Variants in DGKB observed in about 807,000 individuals in gnomAD.
DGKB encodes 90 kDa diacylglycerol kinase.
DGKB carries 67 observed loss-of-function variants against 114.3 expected under a neutral mutation model. That is an observed-to-expected ratio of 0.59 (90% CI 0.48 to 0.72). The LOEUF (loss-of-function observed/expected upper bound fraction) is 0.72. DGKB is among the 30% of genes least tolerant of loss of function. The probability of loss-of-function intolerance (pLI) is 0.00; values close to 1 mark genes in which losing one functional copy is unlikely to be tolerated. For missense variants in DGKB, 907 were observed against 975.2 expected, an observed-to-expected ratio of 0.93 and a Z score of 0.93; for synonymous variants, 398 against 323.1, an observed-to-expected ratio of 1.23 and a Z score of -2.49.
rs137930109 is a variant in DGKB, at chr7:14,795,173, G to C, written c.71-37442C>G. On this transcript the variant is annotated intron_variant, in intron 2 of 25. Coordinates refer to ENST00000402815, the MANE Select transcript of DGKB (RefSeq NM_001350709.2). ...TAATTTATACAGACAGAAATCTGGA[G>C]AACATGTACGAAATTGATAACTAAG... 3.3e-5 allele frequency among the ~76,000 whole-genome samples: 5 copies of C among 152,312 alleles called. No individual in the cohort carries two copies. The East Asian group carries it at 9.7e-4, about 29-fold the overall frequency.
intron 20 of DGKB, among the ~76,000 whole-genome samples, chr7:14,564,189 C>T: frequency 6.6e-6 from 1 of 152,190 alleles, no homozygotes; most frequent in East Asian, 1.9e-4. Context: ...TGCCTGTATT[C>T]TCCCCTAGGT....
chr7:14,154,677 C>G (rs985487072), intron 25 of DGKB, among the ~76,000 whole-genome samples: 2 of 149,940 alleles, frequency 1.3e-5, no homozygotes, highest in Non-Finnish European at 3.0e-5. Flanking sequence ...ATACCTAAAA[C>G]TAATCCATAA....
At chr7:14,603,001 T>C (rs1010317201) in intron 17 of DGKB, among the ~76,000 whole-genome samples, 4 of 152,180 alleles carry the variant, frequency 2.6e-5, no homozygotes, top group Admixed American at 6.6e-5. Context: ...TTTAAAATCA[T>C]AGTGCATTTG....
At chr7:14,575,549 T>C (rs888461434) in intron 19 of DGKB, among the ~76,000 whole-genome samples, 1 of 152,200 alleles carries the variant, frequency 6.6e-6, no homozygotes, top group African/African-American at 2.4e-5. Context: ...CTTAGGGTTC[T>C]TGTGAAGATT....
chr7:14,355,384 T>C (rs947736749), intron 21 of DGKB, among the ~76,000 whole-genome samples: 11 of 152,350 alleles, frequency 7.2e-5, no homozygotes, highest in African/African-American at 2.6e-4. Context: ...TTCCAGTTTT[T>C]GCTCATTCAG....
intron 12 of DGKB, among the ~76,000 whole-genome samples, chr7:14,679,610 C>G (rs1424876143): frequency 6.6e-6 from 1 of 152,054 alleles, no homozygotes; most frequent in African/African-American, 2.4e-5. Context: ...TTCAGATAGG[C>G]CTTTCTGAAG....
At chr7:14,438,986 CT>C (rs1829673456) in intron 21 of DGKB, among the ~76,000 whole-genome samples, 1 of 130,674 alleles carries the variant, frequency 7.7e-6, no homozygotes, top group Non-Finnish European at 1.7e-5. Flanking sequence ...TGGGGGAAGC[CT>C]CCTTTTTTTT....
chr7:14,810,816 C>T (rs999238429), intron 2 of DGKB, among the ~76,000 whole-genome samples: 13 of 152,280 alleles, frequency 8.5e-5, no homozygotes, highest in African/African-American at 2.9e-4. Flanking sequence ...GCCATGTTGG[C>T]CAGGCTGATT....
chr7:14,572,604 T>C (rs1798565694), intron 20 of DGKB, among the ~76,000 whole-genome samples: 1 of 151,798 alleles, frequency 6.6e-6, no homozygotes, highest in Admixed American at 6.6e-5. Flanking sequence ...AAACAAAAAA[T>C]CCTAAGAGAC....
chr7:14,604,189 T>A (rs528075387), intron 17 of DGKB, among the ~76,000 whole-genome samples: 1 of 152,132 alleles, frequency 6.6e-6, no homozygotes, highest in East Asian at 1.9e-4. Flanking sequence ...AACAGAATAA[T>A]CAGGATCAGG....
intron 20 of DGKB, among the ~76,000 whole-genome samples, chr7:14,511,485 T>C (rs1787971350): frequency 6.6e-6 from 1 of 152,210 alleles, no homozygotes; most frequent in African/African-American, 2.4e-5. Flanking sequence ...TTGCTCTGAA[T>C]TAGGATTTGA....
chr7:14,823,523 G>T (rs988943937), intron 2 of DGKB, among the ~76,000 whole-genome samples: 1 of 151,942 alleles, frequency 6.6e-6, no homozygotes, highest in Admixed American at 6.6e-5. Flanking sequence ...AAAACTGAGA[G>T]AACTAATTGA....
chr7:14,572,466 A>G (rs946688044), intron 20 of DGKB, among the ~76,000 whole-genome samples: 7 of 151,960 alleles, frequency 4.6e-5, no homozygotes, highest in Admixed American at 2.0e-4. Flanking sequence ...AAAAAGAAAA[A>G]AAAAAGAATA....
chr7:14,961,018 A>G (rs979590780), intron 1 of DGKB, among the ~76,000 whole-genome samples: 6 of 152,020 alleles, frequency 3.9e-5, no homozygotes, highest in African/African-American at 1.4e-4. Flanking sequence ...TCTTTTCCCT[A>G]AAGGCTCACT....
intron 17 of DGKB, among the ~76,000 whole-genome samples, chr7:14,592,229 A>G (rs773662542): frequency 6.6e-6 from 1 of 151,974 alleles, no homozygotes; most frequent in Non-Finnish European, 1.5e-5. Context: ...ATACATATTT[A>G]CATCTCTTTG....
At chr7:14,905,181 G>C (rs1213905232), upstream of DGKB, among the ~76,000 whole-genome samples, 3 of 150,656 alleles carry the variant, frequency 2.0e-5, no homozygotes, top group Non-Finnish European at 4.4e-5. Flanking sequence ...GGTCTGGGTA[G>C]AGCTGGAAGA....
At chr7:14,589,571 G>A (rs1246627279) in intron 17 of DGKB, among the ~76,000 whole-genome samples, 1 of 151,556 alleles carries the variant, frequency 6.6e-6, no homozygotes. Flanking sequence ...TTTTTATGAG[G>A]TTAACAAGTT....
At chr7:14,527,734 T>C (rs62443514) in intron 20 of DGKB, among the ~76,000 whole-genome samples, 2 of 152,098 alleles carry the variant, frequency 1.3e-5, no homozygotes, top group Admixed American at 1.3e-4. Flanking sequence ...TTATAATGTT[T>C]ATAAAATACA....
At chr7:14,967,613 G>A (rs1254939047) in intron 1 of DGKB, among the ~76,000 whole-genome samples, 2 of 135,426 alleles carry the variant, frequency 1.5e-5, no homozygotes, top group Non-Finnish European at 3.0e-5. Flanking sequence ...GAGCCACCGC[G>A]CCCAGCCCGT....
Sources: allele counts gnomAD v4.1 joint callset (sites outside exome capture counted in the v4.1 genomes callset), GRCh38; gene constraint gnomAD v4.1.1; transcripts MANE v1.5; gene names NCBI Gene and HGNC (gene_info 2026-07-23, HGNC 2026-07-21).